Variants in CCDC169 observed in about 807,000 individuals in gnomAD.
CCDC169 encodes coiled-coil domain-containing protein 169.
Under a neutral mutation model 36.0 loss-of-function variants are expected in CCDC169, and 30 were observed. The observed-to-expected ratio is 0.83, with a 90% CI of 0.62 to 1.13. The LOEUF (loss-of-function observed/expected upper bound fraction) is 1.13, where lower values mean the gene tolerates loss of function less well. Among genes scored for constraint, CCDC169 ranks in the 50% most tolerant of loss-of-function variants. CCDC169 has a pLI of 0.00. For missense variants in CCDC169, 245 were observed against 245.9 expected (o/e 1.00, Z 0.03); for synonymous variants, 85 against 81.5 (o/e 1.04, Z -0.23).
At chr13:36,274,456 T>C (rs1876509317) in intron 4 of CCDC169, 1 of 152,214 alleles carries the variant, frequency 6.6e-6, no homozygotes, top group Non-Finnish European at 1.5e-5. Context: ...TAACTTAATG[T>C]TCTTGATCTT....
chr13:36,289,093 A>G (rs906608466), intron 2 of CCDC169, among the ~76,000 whole-genome samples: 11 of 152,180 alleles, frequency 7.2e-5, no homozygotes, highest in African/African-American at 2.7e-4. Context: ...TTGATCCCCT[A>G]TCTTAAAACA....
intron 4 of CCDC169, among the ~76,000 whole-genome samples, chr13:36,257,057 T>C (rs1873975081): frequency 6.6e-6 from 1 of 152,168 alleles, no homozygotes; most frequent in African/African-American, 2.4e-5. Context: ...TAGTGTTCTG[T>C]CTTTAACACA....
intron 7 of CCDC169, among the ~76,000 whole-genome samples, chr13:36,241,350 A>C (rs1871796062): frequency 6.6e-6 from 1 of 151,874 alleles, no homozygotes; most frequent in African/African-American, 2.4e-5. Flanking sequence ...CAAGCACTAG[A>C]ATATTATCAT....
At chr13:36,272,869 T>C (rs1170367270) in intron 4 of CCDC169, among the ~76,000 whole-genome samples, 1 of 152,206 alleles carries the variant, frequency 6.6e-6, no homozygotes, top group Non-Finnish European at 1.5e-5. Context: ...CTGCGTGGGA[T>C]GGCAGAGGGG....
intron 6 of CCDC169, among the ~76,000 whole-genome samples, chr13:36,250,667 T>G (rs1363157363): frequency 6.6e-6 from 1 of 152,192 alleles, no homozygotes; most frequent in Non-Finnish European, 1.5e-5. Context: ...TAATGTAACT[T>G]AATATTTTAG....
chr13:36,260,342 G>T (rs529008627), intron 4 of CCDC169, among the ~76,000 whole-genome samples: 2 of 152,252 alleles, frequency 1.3e-5, no homozygotes, highest in Non-Finnish European at 2.9e-5. Context: ...ACTCTCAGTC[G>T]ATTTTTACTT....
At chr13:36,247,141 T>C (rs542141523) in intron 7 of CCDC169, among the ~76,000 whole-genome samples, 63 of 152,318 alleles carry the variant, frequency 4.1e-4, no homozygotes, top group African/African-American at 1.5e-3. Flanking sequence ...GTTTACAGCA[T>C]GGTTTATTGA....
chr13:36,266,493 C>T (rs1875338688), intron 4 of CCDC169, among the ~76,000 whole-genome samples: 1 of 152,134 alleles, frequency 6.6e-6, no homozygotes, highest in Non-Finnish European at 1.5e-5. Context: ...GGGCCCTGTC[C>T]TTCACATAAC....
At chr13:36,254,173 G>T (rs1459956667) in intron 4 of CCDC169, 30 bp from the exon 5 acceptor site, 2 of 1,399,084 alleles carry the variant, frequency 1.4e-6, no homozygotes, top group South Asian at 1.4e-5. Flanking sequence ...AATTTTATAT[G>T]TACTCATGTT....
At chr13:36,282,482 C>T (rs1877655005) in intron 4 of CCDC169, 3 of 985,188 alleles carry the variant, frequency 3.0e-6, no homozygotes, top group Non-Finnish European at 3.6e-6. Context: ...TGCTCAGACA[C>T]ACCCCTCTTG....
At chr13:36,294,585 C>T (rs1012334701) in intron 2 of CCDC169, among the ~76,000 whole-genome samples, 3 of 151,924 alleles carry the variant, frequency 2.0e-5, no homozygotes, top group African/African-American at 7.3e-5. Context: ...TGTAGCAGGA[C>T]GAGCCACAGA....
intron 7 of CCDC169, among the ~76,000 whole-genome samples, chr13:36,242,568 AT>A (rs919337642): frequency 1.3e-5 from 2 of 151,982 alleles, no homozygotes; most frequent in African/African-American, 2.4e-5. Flanking sequence ...TAGATGAGTG[AT>A]TTGCATTGTT....
intron 7 of CCDC169, among the ~76,000 whole-genome samples, chr13:36,236,168 G>A (rs1871060683): frequency 6.6e-6 from 1 of 151,490 alleles, no homozygotes; most frequent in South Asian, 2.1e-4. Flanking sequence ...AATCCACATG[G>A]AAATAAAAGG....
chr13:36,297,766 A>G lies in CCDC169; in HGVS notation c.-47T>C. 4.6e-6 allele frequency: 7 copies of G among 1,522,930 alleles called. No homozygotes were observed. The highest frequency in any genetic ancestry group is 6.2e-6 in the Non-Finnish European group (7 of 1,124,572). 94.3% of individuals were successfully genotyped at this position (1,522,930 alleles called of 1,614,324 possible). On this transcript the variant is annotated 5_prime_UTR_variant, in exon 1 of 8. Transcript: ENST00000239859. ...CGCGTCTTTCCCCTCAGCACCTTAG[A>G]GCACAAGACATTAAGGGCCACCCAG... is the stretch of plus-strand genomic sequence containing the variant.
chr13:36,259,850 A>G (rs1355210594), intron 4 of CCDC169, among the ~76,000 whole-genome samples: 1 of 152,230 alleles, frequency 6.6e-6, no homozygotes, highest in Non-Finnish European at 1.5e-5. Flanking sequence ...CTCCTGCCTC[A>G]TCTTCTCCAG....
intron 2 of CCDC169, 34 bp from the exon 3 acceptor site, chr13:36,283,736 C>G (rs1399149084): frequency 7.1e-7 from 1 of 1,401,120 alleles, no homozygotes; most frequent in Non-Finnish European, 9.9e-7. Context: ...ATCAAGATCA[C>G]CCCACCACCT....
At chr13:36,226,582 T>C (rs1869888230), downstream of CCDC169, 1 of 152,136 alleles carries the variant, frequency 6.6e-6, no homozygotes, top group Non-Finnish European at 1.5e-5. Flanking sequence ...GGCTGGGGAC[T>C]CCTGATACAC....
intron 4 of CCDC169, among the ~76,000 whole-genome samples, chr13:36,277,173 T>C (rs1313023086): frequency 6.6e-6 from 1 of 152,108 alleles, no homozygotes; most frequent in African/African-American, 2.4e-5. Flanking sequence ...GGGATATGGA[T>C]GGAGCTGAAA....
At chr13:36,272,098 A>AG (rs1876152184) in intron 4 of CCDC169, among the ~76,000 whole-genome samples, 2 of 134,176 alleles carry the variant, frequency 1.5e-5, no homozygotes, top group Non-Finnish European at 3.3e-5. Flanking sequence ...AAAAAAAAAA[A>AG]CTAAAAAAAT....
Sources: gnomAD v4.1 joint callset for allele counts (sites outside exome capture counted in the v4.1 genomes callset) on GRCh38, gnomAD v4.1.1 for gene constraint, MANE v1.5 for transcripts, NCBI Gene and HGNC (gene_info 2026-07-23, HGNC 2026-07-21) for gene names.